Variants in LRRC7 observed in about 807,000 individuals in gnomAD.
The protein encoded by LRRC7 is leucine-rich repeat-containing protein 7.
A neutral mutation model predicts 175.7 loss-of-function variants in LRRC7; 23 were observed. The ratio of observed to expected loss-of-function variants is 0.13; its 90% CI spans 0.09 to 0.19. LRRC7 has a LOEUF of 0.19. Among genes scored for constraint, LRRC7 ranks in the 10% least tolerant of loss-of-function variants. LRRC7 has a pLI of 1.00. For synonymous variants in LRRC7, 685 were observed against 680.9 expected, an observed-to-expected ratio of 1.01 and a Z score of -0.09; for missense variants, 1,354 against 1,904.7, an observed-to-expected ratio of 0.71 and a Z score of 5.38.
At chr1:69,715,529 T>C (rs1315988567) in intron 2 of LRRC7, among the ~76,000 whole-genome samples, 1 of 152,002 alleles carries the variant, frequency 6.6e-6, no homozygotes, top group East Asian at 1.9e-4. Flanking sequence ...ACAAATGCAT[T>C]TGGGGATTTT....
intron 1 of LRRC7, among the ~76,000 whole-genome samples, chr1:69,605,839 A>G (rs912766388): frequency 1.3e-5 from 2 of 152,150 alleles, no homozygotes; most frequent in African/African-American, 4.8e-5. Context: ...TAGAATGAAA[A>G]TCTACTTTGA....
intron 23 of LRRC7, among the ~76,000 whole-genome samples, chr1:70,071,991 T>A (rs548149782): frequency 2.1e-4 from 32 of 152,324 alleles, no homozygotes; most frequent in South Asian, 6.2e-4. Context: ...GCGTGAACAG[T>A]GCCGTTTGCT....
chr1:69,819,662 CTAT>C (rs1489619141), intron 4 of LRRC7, among the ~76,000 whole-genome samples: 1 of 148,792 alleles, frequency 6.7e-6, no homozygotes, highest in Non-Finnish European at 1.5e-5. Flanking sequence ...GAAGTCCCTA[CTAT>C]TATTATATTT....
At chr1:70,103,970 C>A (rs988283576) in intron 25 of LRRC7, among the ~76,000 whole-genome samples, 2 of 152,138 alleles carry the variant, frequency 1.3e-5, no homozygotes, top group Non-Finnish European at 2.9e-5. Context: ...AAATGTATTG[C>A]ATCATAATTT....
chr1:69,793,712 T>C (rs1205821419), intron 4 of LRRC7, among the ~76,000 whole-genome samples: 1 of 152,130 alleles, frequency 6.6e-6, no homozygotes, highest in Non-Finnish European at 1.5e-5. Context: ...CTTACTAGAA[T>C]TAAAATTCAG....
intron 7 of LRRC7, among the ~76,000 whole-genome samples, chr1:69,853,454 T>C (rs1683231025): frequency 6.6e-6 from 1 of 151,898 alleles, no homozygotes; most frequent in Admixed American, 6.6e-5. Flanking sequence ...AATTTTTGTA[T>C]TTTTAGTAGA....
intron 1 of LRRC7, among the ~76,000 whole-genome samples, chr1:69,640,052 C>T (rs765360221): frequency 3.8e-4 from 57 of 151,692 alleles, no homozygotes; most frequent in Non-Finnish European, 7.8e-4. Context: ...TTGGCAAAAA[C>T]TTTATCATAC....
intron 22 of LRRC7, among the ~76,000 whole-genome samples, chr1:70,050,843 C>G (rs1401923007): frequency 6.6e-6 from 1 of 152,008 alleles, no homozygotes; most frequent in South Asian, 2.1e-4. Context: ...AATGATCTTT[C>G]TATTTCTGCA....
chr1:69,598,426 C>T (rs1646928083), intron 1 of LRRC7, among the ~76,000 whole-genome samples: 1 of 151,902 alleles, frequency 6.6e-6, no homozygotes, highest in African/African-American at 2.4e-5. Context: ...GAAATTGGCT[C>T]ACATGATTGT....
At chr1:69,692,983 G>A (rs1008338033) in intron 2 of LRRC7, among the ~76,000 whole-genome samples, 7 of 152,148 alleles carry the variant, frequency 4.6e-5, no homozygotes, top group Non-Finnish European at 1.0e-4. Flanking sequence ...TGCTGGAGCT[G>A]GGACATCCAT....
intron 8 of LRRC7, among the ~76,000 whole-genome samples, chr1:69,970,131 G>C (rs914362443): frequency 6.6e-6 from 1 of 151,894 alleles, no homozygotes; most frequent in Non-Finnish European, 1.5e-5. Context: ...CAGCAAAGGC[G>C]GTGCTAAGAG....
chr1:69,891,574 A>T (rs1014014846), intron 7 of LRRC7, among the ~76,000 whole-genome samples: 9 of 152,102 alleles, frequency 5.9e-5, no homozygotes, highest in Non-Finnish European at 1.2e-4. Context: ...TCTACTAAAA[A>T]TACAAAACTT....
intron 5 of LRRC7, among the ~76,000 whole-genome samples, chr1:69,827,996 G>A (rs1350675797): frequency 6.6e-6 from 1 of 151,964 alleles, no homozygotes; most frequent in Non-Finnish European, 1.5e-5. Context: ...TATCCCCATT[G>A]CTTTGTCTTT....
chr1:70,055,364 C>T (rs1018446304), intron 23 of LRRC7, among the ~76,000 whole-genome samples: 2 of 152,110 alleles, frequency 1.3e-5, no homozygotes, highest in African/African-American at 4.8e-5. Context: ...TTAAAGAGCA[C>T]TCTGACAGCT....
At chr1:69,889,696 A>G (rs1356974999) in intron 7 of LRRC7, among the ~76,000 whole-genome samples, 1 of 152,130 alleles carries the variant, frequency 6.6e-6, no homozygotes, top group Non-Finnish European at 1.5e-5. Flanking sequence ...AGTCCCAGCT[A>G]CTCAGGAGGC....
intron 1 of LRRC7, among the ~76,000 whole-genome samples, chr1:69,605,806 TTTTATTTA>T (rs547891470): frequency 1.8e-4 from 28 of 152,076 alleles, no homozygotes; most frequent in African/African-American, 5.1e-4. Flanking sequence ...GGACATGAGT[TTTTATTTA>T]TTTATTTATT....
intron 7 of LRRC7, among the ~76,000 whole-genome samples, chr1:69,872,341 T>C (rs1458807152): frequency 1.3e-5 from 2 of 152,074 alleles, no homozygotes; most frequent in Non-Finnish European, 2.9e-5. Context: ...GCATGATTAA[T>C]TTATTCAGGA....
At chr1:69,810,730 C>T (rs1677740033) in intron 4 of LRRC7, among the ~76,000 whole-genome samples, 1 of 152,130 alleles carries the variant, frequency 6.6e-6, no homozygotes, top group South Asian at 2.1e-4. Context: ...ATGCAGAAAA[C>T]TGAAATTGGA....
In LRRC7 at chr1:69,717,841, A is replaced by AAAGAAAGG. The variant is rs1665680908; in HGVS notation, c.100+39365_100+39366insGAAAGGAA. On this transcript the variant is annotated intron_variant, in intron 2 of 26. Transcript: ENST00000651989. ...AAGAAAGAAAGAAAGAAAGAAAGAA[A>AAAGAAAGG]AAAGAAAGAAAGGAAAGAAAGAAAG... 1.5e-3 allele frequency among the ~76,000 whole-genome samples: 29 copies of AAAGAAAGG among 19,334 alleles called. 2 individuals carry two copies. The highest frequency in any genetic ancestry group is 3.9e-3 in the African/African-American group (9 of 2,328). 12.7% of individuals were successfully genotyped at this position (19,334 alleles called of 152,430 possible).
Sources: gnomAD v4.1 joint callset for allele counts (sites outside exome capture counted in the v4.1 genomes callset) on GRCh38, gnomAD v4.1.1 for gene constraint, MANE v1.5 for transcripts, NCBI Gene and HGNC (gene_info 2026-07-23, HGNC 2026-07-21) for gene names.